DUSP26: variants seen among roughly 807,000 people sequenced by gnomAD.
DUSP26 encodes the protein dual specificity phosphatase 26.
DUSP26 carries 12 observed loss-of-function variants against 20.0 expected under a neutral mutation model. The observed-to-expected ratio is 0.60, with a 90% CI of 0.38 to 0.97. The LOEUF is 0.97. Ranked by LOEUF, DUSP26 falls within the 50% of genes least tolerant of loss-of-function variation. The pLI, the probability that DUSP26 is intolerant of heterozygous loss-of-function variation, is 0.00. For synonymous variants in DUSP26, 120 were observed against 118.8 expected, an observed-to-expected ratio of 1.01 and a Z score of -0.06; for missense variants, 230 against 294.0, an observed-to-expected ratio of 0.78 and a Z score of 1.59.
rs926458469 is a variant in DUSP26, at chr8:33,599,840, G to A, written c.-252C>T. 3.9e-5 allele frequency: 6 copies of A among 152,240 alleles called. No homozygotes were observed. The highest frequency in any genetic ancestry group is 7.3e-5 in the Non-Finnish European group (5 of 68,052). 9.4% of individuals were successfully genotyped at this position (152,240 alleles called of 1,614,324 possible). A position where few individuals can be genotyped will look rare whatever the true frequency, so the allele number is the denominator to read the frequency against. ...ACACGTCGAAGCAGGGTTCAAATCAGCGTGTGCGCTGGTGACATAAAGGGA... is the reference window on the plus strand; with the variant it reads ...ACACGTCGAAGCAGGGTTCAAATCAACGTGTGCGCTGGTGACATAAAGGGA... On this transcript the variant is annotated 5_prime_UTR_variant, in exon 1 of 4. Transcript: ENST00000256261.
At position 33,591,920 on chromosome 8, in the gene DUSP26, G is replaced by A. The variant is rs1811028308; in HGVS notation, c.*93C>T. 3 of 1,450,228 alleles carry A rather than the reference G, an allele frequency of 2.1e-6. No individual in the cohort carries two copies. Among genetic ancestry groups the A allele is most frequent in the African/African-American group, 2.8e-5 (2 of 71,532 alleles). 89.8% of individuals were successfully genotyped at this position (1,450,228 alleles called of 1,614,324 possible). The stretch of plus-strand genomic sequence containing the variant: ...GACCCCAGGGGAGGATGGGTGATCT[G>A]GGCCTCCTGCTACCTGCCACCTGGG... On this transcript the variant is annotated 3_prime_UTR_variant, in exon 4 of 4. Transcript: ENST00000256261.
In DUSP26 at chr8:33,593,526, C is replaced by T. The variant is rs763037611; in HGVS notation, c.436+7G>A. On this transcript the variant is annotated splice_region_variant and intron_variant, in intron 3 of 3. Transcript: ENST00000256261. ...GTTCTTTCCTGCTCCCAGCATTCCC[C>T]TCCTACCTCCTGGCTGGCTCAGCGC... 1.2e-5 allele frequency: 20 copies of T among 1,610,550 alleles called. No homozygotes were observed. The highest frequency in any genetic ancestry group is 4.4e-5 in the South Asian group (4 of 91,014).
chr8:33,597,912 G>GACACACACACA (rs1554537126), intron 1 of DUSP26: 4 of 64,652 alleles, frequency 6.2e-5, no homozygotes, highest in Non-Finnish European at 1.2e-4. Context: ...CACACACACG[G>GACACACACACA]CACTTGGGTG....
chr8:33,594,675 G>A (rs745546568), intron 2 of DUSP26, among the ~76,000 whole-genome samples: 1 of 151,634 alleles, frequency 6.6e-6, no homozygotes, highest in African/African-American at 2.4e-5. Flanking sequence ...GTTCTCAAGG[G>A]TACAATGAGG....
chr8:33,596,697 C>T (rs2128847105), intron 2 of DUSP26, among the ~76,000 whole-genome samples: 1 of 152,244 alleles, frequency 6.6e-6, no homozygotes, highest in African/African-American at 2.4e-5. Context: ...TTTTTCTCTC[C>T]ATAGCCTTCA....
intron 3 of DUSP26, among the ~76,000 whole-genome samples, chr8:33,592,538 C>CAA (rs745687703): frequency 0.023 from 553 of 23,756 alleles, 63 homozygotes; most frequent in African/African-American, 0.033. Context: ...AACCCCATCT[C>CAA]AAAAAAAAAA....
chr8:33,598,073 C>T (rs769446730), intron 1 of DUSP26, among the ~76,000 whole-genome samples: 15 of 152,064 alleles, frequency 9.9e-5, no homozygotes, highest in Non-Finnish European at 1.5e-4. Context: ...GCAGCTGAGG[C>T]CATGACACAT....
At chr8:33,595,352 T>G (rs77417041) in intron 2 of DUSP26, among the ~76,000 whole-genome samples, 1 of 142,122 alleles carries the variant, frequency 7.0e-6, no homozygotes, top group Non-Finnish European at 1.5e-5. Context: ...TGTGACTGTG[T>G]TTTTTTTTGT....
intron 1 of DUSP26, chr8:33,597,865 C>T: frequency 6.9e-6 from 1 of 144,566 alleles, no homozygotes; most frequent in Non-Finnish European, 1.2e-5. Flanking sequence ...TCACCCCACC[C>T]CCACTGCCAG....
Position 33,591,349 on chromosome 8 carries a change from T to C in DUSP26, c.*664A>G, listed in dbSNP as rs1811013416. On this transcript the variant is annotated 3_prime_UTR_variant, in exon 4 of 4. Transcript: ENST00000256261. ...ACTCTCTTCTTTTTCATGATCTTTA[T>C]TTATCCTCGAGACGCTTGGATCCAG... 1 of 152,620 alleles carries C rather than the reference T, an allele frequency of 6.6e-6. No homozygotes were observed. The highest frequency in any genetic ancestry group is 1.5e-5 in the Non-Finnish European group (1 of 68,054). 9.5% of individuals were successfully genotyped at this position (152,620 alleles called of 1,614,324 possible). A position where few individuals can be genotyped will look rare whatever the true frequency, so the allele number is the denominator to read the frequency against.
Position 33,592,041 on chromosome 8 carries a change from C to T in DUSP26, c.608G>A (p.Arg203His), listed in dbSNP as rs764307383. The change falls in exon 4 of 4, where the codon CGC (arginine) becomes CAC (histidine). Residue 203 changes from arginine (R) to histidine (H), a missense_variant. Arg to His is a conservative substitution (Grantham distance 29). Coordinates refer to ENST00000256261, the MANE Select transcript of DUSP26 (RefSeq NM_024025.3). The stretch of plus-strand genomic sequence containing the variant: ...TGCTTCCAGACCCTGCCGCAGCCTG[C>T]GGTCCAGGGCCAGGAGCTGCCTCAG... ...GFLRQLLALD[R>H]RLRQGLEA 67 of 1,613,744 alleles carry T rather than the reference C, an allele frequency of 4.2e-5. No individual in the cohort carries two copies. Among genetic ancestry groups the T allele is most frequent in the South Asian group, 5.5e-5 (5 of 91,074 alleles).
intron 1 of DUSP26, 23 bp downstream of exon 1, chr8:33,599,642 A>G (rs1023397301): frequency 6.6e-6 from 1 of 151,932 alleles, no homozygotes; most frequent in African/African-American, 2.4e-5. Flanking sequence ...TGAAAAGGCG[A>G]AGGCCCGCCG....
intron 2 of DUSP26, among the ~76,000 whole-genome samples, chr8:33,595,572 G>A (rs1811123557): frequency 6.6e-6 from 1 of 151,900 alleles, no homozygotes; most frequent in Non-Finnish European, 1.5e-5. Context: ...GTAGAGACGG[G>A]GTTTCACTAT....
At chr8:33,594,399 T>C (rs1811094842) in intron 2 of DUSP26, among the ~76,000 whole-genome samples, 2 of 151,618 alleles carry the variant, frequency 1.3e-5, no homozygotes, top group Non-Finnish European at 2.9e-5. Flanking sequence ...AAGACCATCA[T>C]AGCTAACATG....
At chr8:33,593,827 T>G in intron 2 of DUSP26, 80 bp from the exon 3 acceptor site, 4 of 1,498,458 alleles carry the variant, frequency 2.7e-6, no homozygotes, top group Non-Finnish European at 3.7e-6. Flanking sequence ...CCTGTTAACT[T>G]CCTGAATCCT....
chr8:33,595,529 C>T (rs568319036), intron 2 of DUSP26, among the ~76,000 whole-genome samples: 1 of 151,872 alleles, frequency 6.6e-6, no homozygotes, highest in South Asian at 2.1e-4. Flanking sequence ...TACAGGTGCC[C>T]ACCACCATGC....
At chr8:33,595,073 T>C (rs1811110537) in intron 2 of DUSP26, among the ~76,000 whole-genome samples, 1 of 152,140 alleles carries the variant, frequency 6.6e-6, no homozygotes, top group African/African-American at 2.4e-5. Context: ...GGAGTCTAGC[T>C]GAGGAAAGGG....
At chr8:33,592,930 A>C (rs1012740156) in intron 3 of DUSP26, among the ~76,000 whole-genome samples, 2 of 152,194 alleles carry the variant, frequency 1.3e-5, no homozygotes, top group East Asian at 3.9e-4. Context: ...GGCTGAGTGC[A>C]GTGGCACAAT....
At position 33,597,313 on chromosome 8, in the gene DUSP26, C is replaced by T. The variant is rs985107376; in HGVS notation, c.203G>A (p.Gly68Asp). 8.1e-6 allele frequency: 13 copies of T among 1,612,710 alleles called. No homozygotes were observed. Among genetic ancestry groups the T allele is most frequent in the Middle Eastern group, 3.6e-4 (2 of 5,566 alleles). ...TACATACTGGTCTCCGAGATAGAGG[C>T]CTGGCCAGACCTCGTCGGCATGGTT... ...ACNHADEVWPGLYLGDQDMAN... is the reference protein window; with the variant it reads ...ACNHADEVWPDLYLGDQDMAN... The change falls in exon 2 of 4, where the codon GGC becomes GAC. Residue 68 changes from glycine (G) to aspartate (D), a missense_variant. Transcript: ENST00000256261.
Sources: allele counts gnomAD v4.1 joint callset (sites outside exome capture counted in the v4.1 genomes callset), GRCh38; gene constraint gnomAD v4.1.1; transcripts MANE v1.5; gene names NCBI Gene and HGNC (gene_info 2026-07-23, HGNC 2026-07-21).